TNRC6A: variants seen among roughly 807,000 people sequenced by gnomAD.
The protein encoded by TNRC6A is trinucleotide repeat containing adaptor 6A.
A neutral mutation model predicts 221.2 loss-of-function variants in TNRC6A; 44 were observed. The ratio of observed to expected loss-of-function variants is 0.20; its 90% confidence interval spans 0.16 to 0.26. The LOEUF (loss-of-function observed/expected upper bound fraction) is 0.26. TNRC6A is among the 10% of genes least tolerant of loss of function. The probability of loss-of-function intolerance (pLI) is 1.00; values close to 1 mark genes in which losing one functional copy is unlikely to be tolerated. For synonymous variants in TNRC6A, 847 were observed against 838.5 expected (o/e 1.01, Z -0.18); for missense variants, 2,199 against 2,404.4 (o/e 0.91, Z 1.79).
At chr16:24,670,907 C>T (rs2055284542) in intron 2 of TNRC6A, 1 of 285,164 alleles carries the variant, frequency 3.5e-6, no homozygotes, top group Non-Finnish European at 7.6e-6. Flanking sequence ...CCACTCCCGC[C>T]AGCCCCCACA....
chr16:24,630,610 C>T (rs1901281538), intron 1 of TNRC6A, among the ~76,000 whole-genome samples: 2 of 152,184 alleles, frequency 1.3e-5, no homozygotes, highest in Admixed American at 6.5e-5. Flanking sequence ...AGCTGTCTAC[C>T]TTTGCTTCCC....
intron 2 of TNRC6A, 126 bp from the exon 3 acceptor site, chr16:24,750,600 G>C (rs2057113833): frequency 8.4e-7 from 1 of 1,187,364 alleles, no homozygotes; most frequent in East Asian, 2.7e-5. Flanking sequence ...TTATTTCAAT[G>C]AATGATAAAA....
intron 2 of TNRC6A, among the ~76,000 whole-genome samples, chr16:24,712,086 A>G (rs1649482445): frequency 6.6e-6 from 1 of 152,238 alleles, no homozygotes; most frequent in Non-Finnish European, 1.5e-5. Context: ...AAATATGCAC[A>G]TGCAGGAGAA....
In TNRC6A at chr16:24,789,797, G is replaced by A. The variant is rs768440760; in HGVS notation, c.1155G>A (p.Gly385=). Residue 385 remains glycine, a synonymous_variant, in exon 6 of 25, where the codon GGG becomes GGA. Coordinates refer to ENST00000395799, the MANE Select transcript of TNRC6A (RefSeq NM_014494.4). ...NNGLALKGPV[G]SGSSGINIQC... ...GACTTGCCCTAAAAGGGCCTGTAGG[G>A]AGTGGTAGTTCTGGCATTAATATTC... 10 of 1,614,166 alleles carry A rather than the reference G, an allele frequency of 6.2e-6. No homozygotes were observed. The highest frequency in any genetic ancestry group is 6.8e-6 in the Non-Finnish European group (8 of 1,180,018).
chr16:24,649,358 G>C (rs1567324474), intron 2 of TNRC6A, among the ~76,000 whole-genome samples: 2 of 151,906 alleles, frequency 1.3e-5, no homozygotes, highest in Non-Finnish European at 1.5e-5. Flanking sequence ...GCCCAGGCTG[G>C]AGTGCAGTGG....
intron 2 of TNRC6A, among the ~76,000 whole-genome samples, chr16:24,669,940 A>AATTTTTTTTTTTTTTTT (rs1567341572): frequency 4.5e-5 from 1 of 22,398 alleles, no homozygotes; most frequent in Non-Finnish European, 1.1e-4. Context: ...TGAGGCAGCT[A>AATTTTTTTTTTTTTTTT]CTTTTTTTTT....
chr16:24,794,432 G>C, intron 7 of TNRC6A, 112 bp from the exon 8 acceptor site: 1 of 1,058,008 alleles, frequency 9.5e-7, no homozygotes, highest in Non-Finnish European at 1.3e-6. Flanking sequence ...AAATAAGTGT[G>C]CACGTGTGTG....
At chr16:24,786,421 G>A (rs901512099) in intron 5 of TNRC6A, among the ~76,000 whole-genome samples, 1 of 151,910 alleles carries the variant, frequency 6.6e-6, no homozygotes, top group South Asian at 2.1e-4. Flanking sequence ...TGCTTCCCAG[G>A]TTCATGCCAT....
At chr16:24,686,827 A>C (rs2055636083) in intron 2 of TNRC6A, among the ~76,000 whole-genome samples, 1 of 151,890 alleles carries the variant, frequency 6.6e-6, no homozygotes, top group African/African-American at 2.4e-5. Flanking sequence ...CCCCTCCTAA[A>C]CCCCCTGGCC....
intron 18 of TNRC6A, among the ~76,000 whole-genome samples, chr16:24,813,223 G>A (rs955109941): frequency 2.0e-5 from 3 of 152,050 alleles, no homozygotes; most frequent in Non-Finnish European, 4.4e-5. Flanking sequence ...TTTTTATACA[G>A]GTATATTGCA....
chr16:24,806,523 G>C (rs769647184), intron 16 of TNRC6A, 51 bp from the exon 17 acceptor site: 15 of 1,600,278 alleles, frequency 9.4e-6, no homozygotes, highest in Non-Finnish European at 1.3e-5. Context: ...GTAGTTTTCT[G>C]TAAAGACGTT....
At chr16:24,643,430 C>T (rs1770303305) in intron 2 of TNRC6A, among the ~76,000 whole-genome samples, 1 of 151,986 alleles carries the variant, frequency 6.6e-6, no homozygotes, top group African/African-American at 2.4e-5. Flanking sequence ...TAACCTATGT[C>T]TTAATCTTTT....
At chr16:24,786,308 T>G (rs2151828950) in intron 5 of TNRC6A, among the ~76,000 whole-genome samples, 1 of 143,822 alleles carries the variant, frequency 7.0e-6, no homozygotes, top group East Asian at 2.0e-4. Flanking sequence ...TTTTTGTTGT[T>G]GTTGTTGTTT....
intron 18 of TNRC6A, among the ~76,000 whole-genome samples, chr16:24,811,324 C>G (rs2058539767): frequency 6.6e-6 from 1 of 152,156 alleles, no homozygotes. Context: ...AACTGGATGT[C>G]TCAGATACTC....
chr16:24,739,975 A>G (rs1303732365), intron 2 of TNRC6A, among the ~76,000 whole-genome samples: 1 of 152,222 alleles, frequency 6.6e-6, no homozygotes, highest in Non-Finnish European at 1.5e-5. Flanking sequence ...TAAGTTTTGC[A>G]TATGGCATGA....
In TNRC6A at chr16:24,822,021, G is replaced by C. The variant is rs1478480632; in HGVS notation, c.5303-56G>C. ...AGGCCAGGTGATCTGCTAAGTAACT[G>C]TAGTTGGGCTCTTTCAGTCCTGGAA... On this transcript the variant is annotated intron_variant, in intron 22 of 24. Coordinates refer to ENST00000395799, the MANE Select transcript of TNRC6A (RefSeq NM_014494.4). 9.1e-6 allele frequency: 14 copies of C among 1,533,670 alleles called. No homozygotes were observed. In the Admixed American group the frequency reaches 2.2e-4, roughly 24 times the overall value.
At chr16:24,651,949 T>A (rs1208956209) in intron 2 of TNRC6A, among the ~76,000 whole-genome samples, 10 of 147,774 alleles carry the variant, frequency 6.8e-5, no homozygotes, top group Non-Finnish European at 1.0e-4. Flanking sequence ...AAAAAAAAAA[T>A]TAATTAAAAA....
chr16:24,679,873 T>G (rs1055929972), intron 2 of TNRC6A, among the ~76,000 whole-genome samples: 1 of 152,104 alleles, frequency 6.6e-6, no homozygotes, highest in African/African-American at 2.4e-5. Flanking sequence ...CCTCCCAAAG[T>G]GCTGAGATTA....
chr16:24,760,069 C>T (rs1457728399), intron 4 of TNRC6A, among the ~76,000 whole-genome samples: 1 of 152,176 alleles, frequency 6.6e-6, no homozygotes, highest in African/African-American at 2.4e-5. Flanking sequence ...CTCCCTTGAC[C>T]TAACCAGCCT....
Sources: allele counts gnomAD v4.1 joint callset (sites outside exome capture counted in the v4.1 genomes callset), GRCh38; gene constraint gnomAD v4.1.1; transcripts MANE v1.5; gene names NCBI Gene and HGNC (gene_info 2026-07-23, HGNC 2026-07-21).